Variants in RGSL1 observed in about 807,000 individuals in gnomAD.
RGSL1 encodes the protein regulator of G protein signaling protein-like.
RGSL1 carries 97 observed loss-of-function variants against 124.7 expected under a neutral mutation model. The observed-to-expected ratio is 0.78, with a 90% CI of 0.66 to 0.92. RGSL1 has a LOEUF of 0.92. Ranked by LOEUF, RGSL1 falls within the 40% of genes least tolerant of loss-of-function variation. The pLI, the probability that RGSL1 is intolerant of heterozygous loss-of-function variation, is 0.00. For synonymous variants in RGSL1, 424 were observed against 438.1 expected, an observed-to-expected ratio of 0.97 and a Z score of 0.40; for missense variants, 1,233 against 1,288.4, an observed-to-expected ratio of 0.96 and a Z score of 0.66.
chr1:182,532,820 C>T (rs775358303), intron 14 of RGSL1, 29 bp downstream of exon 14: 2 of 1,540,626 alleles, frequency 1.3e-6, no homozygotes, highest in African/African-American at 2.8e-5. Flanking sequence ...TACCCCCACT[C>T]CCTGTTGATA....
chr1:182,468,824 T>A (rs1278201120), intron 4 of RGSL1, among the ~76,000 whole-genome samples: 2 of 151,660 alleles, frequency 1.3e-5, no homozygotes, highest in Non-Finnish European at 2.9e-5. Flanking sequence ...AATGCAGACA[T>A]ATGGAAAGAC....
chr1:182,481,636 AG>A (rs1167991939), intron 6 of RGSL1, among the ~76,000 whole-genome samples: 1 of 152,206 alleles, frequency 6.6e-6, no homozygotes, highest in Non-Finnish European at 1.5e-5. Flanking sequence ...CAAGAAGAAA[AG>A]TAAACCACGG....
intron 9 of RGSL1, among the ~76,000 whole-genome samples, chr1:182,520,544 A>G (rs931974951): frequency 6.6e-6 from 1 of 152,162 alleles, no homozygotes; most frequent in Admixed American, 6.6e-5. Context: ...TTATAAACTG[A>G]CATTCCTGGT....
chr1:182,522,899 A>G (rs924990467), intron 10 of RGSL1, among the ~76,000 whole-genome samples: 1 of 152,146 alleles, frequency 6.6e-6, no homozygotes, highest in Non-Finnish European at 1.5e-5. Context: ...TCTATTATCT[A>G]TCTATAATGG....
chr1:182,504,831 T>C (rs549724551), intron 9 of RGSL1, among the ~76,000 whole-genome samples: 1 of 152,298 alleles, frequency 6.6e-6, no homozygotes, highest in African/African-American at 2.4e-5. Context: ...TGTGTTGGGA[T>C]GCTCTTTCAA....
intron 9 of RGSL1, among the ~76,000 whole-genome samples, chr1:182,510,878 GT>G (rs1657401018): frequency 6.6e-6 from 1 of 152,110 alleles, no homozygotes; most frequent in Admixed American, 6.5e-5. Flanking sequence ...CAGTCTATGT[GT>G]TGCCTGTTTA....
At chr1:182,516,302 C>T (rs1197662120) in intron 9 of RGSL1, among the ~76,000 whole-genome samples, 2 of 152,222 alleles carry the variant, frequency 1.3e-5, no homozygotes, top group East Asian at 3.9e-4. Context: ...CTGCCCTCTT[C>T]TACCCAGTAT....
intron 10 of RGSL1, among the ~76,000 whole-genome samples, chr1:182,526,990 G>A (rs781133736): frequency 6.6e-6 from 1 of 152,126 alleles, no homozygotes; most frequent in Non-Finnish European, 1.5e-5. Flanking sequence ...GTTTGACGTG[G>A]GCAGTTGAAA....
rs551846717 is a variant in RGSL1, at chr1:182,493,037, C to T, written c.1733C>T (p.Ser578Phe). ...PVFLTDITKM[S>F]FEELCYKNPK... The stretch of plus-strand genomic sequence containing the variant: ...TACTTCACAGACATAACTAAAATGT[C>T]CTTTGAGGAGCTTTGCTACAAGAAC... The change falls in exon 9 of 22, where the codon TCC becomes TTC. Residue 578 changes from serine (S) to phenylalanine (F), a missense_variant. Physicochemically the swap from Ser to Phe is radical, Grantham distance 155. Transcript: ENST00000294854. The T allele has an allele frequency of 2.2e-4, 336 of 1,550,322 alleles. No individual in the cohort carries two copies. The highest frequency in any genetic ancestry group is 2.9e-4 in the Non-Finnish European group (330 of 1,145,726).
At chr1:182,471,363 A>C in intron 4 of RGSL1, 1 of 457,508 alleles carries the variant, frequency 2.2e-6, no homozygotes. Context: ...TGGCGCTTCT[A>C]TTCCTACCTC....
At chr1:182,509,892 G>T (rs1490409182) in intron 9 of RGSL1, among the ~76,000 whole-genome samples, 1 of 142,522 alleles carries the variant, frequency 7.0e-6, no homozygotes, top group Non-Finnish European at 1.5e-5. Context: ...TGGGGTGGCT[G>T]CCGGGCGGAG....
At position 182,540,434 on chromosome 1, in the gene RGSL1, C is replaced by T; in HGVS notation, c.2669+13C>T. 6.5e-7 allele frequency: 1 copy of T among 1,545,596 alleles called. No individual in the cohort carries two copies. Among genetic ancestry groups the T allele is most frequent in the Non-Finnish European group, 8.7e-7 (1 of 1,143,510 alleles). ...CTGAAATGGAGAAGTAAGTTTTCCA[C>T]TTCTCCTTCTTCTGCCCTGAAAATG... On this transcript the variant is annotated intron_variant, in intron 15 of 21. Coordinates refer to ENST00000294854, the MANE Select transcript of RGSL1 (RefSeq NM_001137669.2).
chr1:182,493,179 C>A, intron 9 of RGSL1, 50 bp downstream of exon 9: 2 of 1,241,410 alleles, frequency 1.6e-6, no homozygotes, highest in African/African-American at 1.5e-5. Flanking sequence ...TTTTTCAAAT[C>A]TAAGAGAAAA....
rs77364119 is a variant in RGSL1, at chr1:182,518,420, G to C, written c.1826-3584G>C. On this transcript the variant is annotated intron_variant, in intron 9 of 21. Coordinates refer to ENST00000294854, the MANE Select transcript of RGSL1 (RefSeq NM_001137669.2). ...AGGGGTTTGTGCCTATGGGACCTGTGGGACAAACCTCCTACAGTGTGATGT... is the reference window on the plus strand; with the variant it reads ...AGGGGTTTGTGCCTATGGGACCTGTCGGACAAACCTCCTACAGTGTGATGT... Among the ~76,000 whole-genome samples the C allele has an allele frequency of 9.3e-3, 1,413 of 152,176 alleles. 29 individuals are homozygous for C. Among genetic ancestry groups the C allele is most frequent in the African/African-American group, 0.032 (1,349 of 41,508 alleles).
At chr1:182,468,272 T>C (rs537241490) in intron 4 of RGSL1, among the ~76,000 whole-genome samples, 37 of 152,184 alleles carry the variant, frequency 2.4e-4, no homozygotes, top group African/African-American at 8.2e-4. Flanking sequence ...ACTGGGTACA[T>C]ACTGAAAGGA....
chr1:182,514,731 C>G (rs547837020), intron 9 of RGSL1, among the ~76,000 whole-genome samples: 1 of 152,160 alleles, frequency 6.6e-6, no homozygotes, highest in Non-Finnish European at 1.5e-5. Context: ...AAGCATGAGA[C>G]TGAAGCTGGA....
chr1:182,469,910 A>G (rs1258618530), intron 4 of RGSL1, among the ~76,000 whole-genome samples: 1 of 152,198 alleles, frequency 6.6e-6, no homozygotes, highest in Non-Finnish European at 1.5e-5. Context: ...AGTCACAGAA[A>G]GACAAATACT....
At chr1:182,525,621 C>A (rs1218020291) in intron 10 of RGSL1, among the ~76,000 whole-genome samples, 1 of 151,942 alleles carries the variant, frequency 6.6e-6, no homozygotes, top group Non-Finnish European at 1.5e-5. Context: ...TTGAGTGCTG[C>A]AGGAGAAAAA....
chr1:182,475,076 A>G (rs79491735), intron 6 of RGSL1, among the ~76,000 whole-genome samples: 1,629 of 152,238 alleles, frequency 0.011, 26 homozygotes, highest in African/African-American at 0.036. Flanking sequence ...CTAAAGTACA[A>G]TGGAGGTGGG....
Sources: gnomAD v4.1 joint callset for allele counts (sites outside exome capture counted in the v4.1 genomes callset) on GRCh38, gnomAD v4.1.1 for gene constraint, MANE v1.5 for transcripts, NCBI Gene and HGNC (gene_info 2026-07-23, HGNC 2026-07-21) for gene names.